The following PITPNM2 variants were observed in gnomAD, a reference collection of about 807,000 sequenced individuals.
PITPNM2 encodes the protein phosphatidylinositol transfer protein membrane associated 2.
A neutral mutation model predicts 132.2 loss-of-function variants in PITPNM2; 35 were observed. That is an observed-to-expected ratio of 0.26 (90% CI 0.20 to 0.35). PITPNM2 has a LOEUF of 0.35. PITPNM2 is among the 10% of genes least tolerant of loss of function. The pLI is 1.00. For synonymous variants in PITPNM2, 738 were observed against 799.2 expected, an observed-to-expected ratio of 0.92 and a Z score of 1.29; for missense variants, 1,332 against 1,912.0, an observed-to-expected ratio of 0.70 and a Z score of 5.66.
At chr12:123,021,648 C>T (rs2136327538) in intron 3 of PITPNM2, 1 of 983,934 alleles carries the variant, frequency 1.0e-6, no homozygotes, top group Non-Finnish European at 1.2e-6. Flanking sequence ...CAGCAAGCTG[C>T]CCTTCCCTGA....
intron 5 of PITPNM2, 77 bp downstream of exon 5, chr12:123,012,536 A>G (rs1171099437): frequency 5.8e-6 from 9 of 1,547,294 alleles, no homozygotes; most frequent in Non-Finnish European, 8.0e-6. Context: ...GGTGTGGGGA[A>G]AAGGGGCAGG....
chr12:123,130,439 G>A (rs184699741), intron 1 of PITPNM2, among the ~76,000 whole-genome samples: 26 of 152,236 alleles, frequency 1.7e-4, no homozygotes, highest in African/African-American at 2.9e-4. Flanking sequence ...CAAGGCCACC[G>A]AGCCATCCTT....
At chr12:123,074,837 A>G (rs1383247462) in intron 2 of PITPNM2, among the ~76,000 whole-genome samples, 1 of 152,206 alleles carries the variant, frequency 6.6e-6, no homozygotes, top group African/African-American at 2.4e-5. Context: ...GGAGGAAAAG[A>G]GGGAACAGAG....
chr12:123,012,055 T>C (rs1335576167), intron 5 of PITPNM2, among the ~76,000 whole-genome samples: 1 of 152,240 alleles, frequency 6.6e-6, no homozygotes, highest in Non-Finnish European at 1.5e-5. Flanking sequence ...GCTGCTGAGC[T>C]GCACTGGCCC....
rs1295542333 is a variant in PITPNM2 at position 123,078,299 on chromosome 12, G to A, written c.-96+32086C>T. ...CAGCCTCCCCCATACCAGGCCTCAG[G>A]GTCCAGGTGGCCAGGCGGGGAGGGG... On this transcript the variant is annotated intron_variant, in intron 2 of 25. Coordinates refer to ENST00000320201, the MANE Select transcript of PITPNM2 (RefSeq NM_020845.3). The surrounding 1 kb of genome is among the most constrained non-coding windows in gnomAD (Gnocchi z 7.3). 6.6e-6 allele frequency among the ~76,000 whole-genome samples: 1 copy of A among 152,150 alleles called. No individual in the cohort carries two copies. Among genetic ancestry groups the A allele is most frequent in the African/African-American group, 2.4e-5 (1 of 41,448 alleles).
At position 123,095,701 on chromosome 12, in the gene PITPNM2, C is replaced by G. The variant is rs2042391556; in HGVS notation, c.-96+14684G>C. ...TCCCTGCAGCTCAGCCCCAGCCAGA[C>G]TCTCACAGACAGGAGCCCATGGGGC... is the stretch of plus-strand genomic sequence containing the variant. On this transcript the variant is annotated intron_variant, in intron 2 of 25. Transcript: ENST00000320201. This position sits in a 1 kb window ranked among gnomAD's most constrained non-coding sequence, Gnocchi z 5.0. Among the ~76,000 whole-genome samples, 1 of 152,200 alleles carries G rather than the reference C, an allele frequency of 6.6e-6. No individual in the cohort carries two copies. The highest frequency in any genetic ancestry group is 1.5e-5 in the Non-Finnish European group (1 of 68,026).
chr12:123,078,915 C>T lies in PITPNM2; in HGVS notation c.-96+31470G>A, dbSNP rs758722644. 4.3e-4 allele frequency among the ~76,000 whole-genome samples: 66 copies of T among 152,316 alleles called. 1 individual carries two copies. The highest frequency in any genetic ancestry group is 1.6e-4 in the Non-Finnish European group (11 of 68,020). On this transcript the variant is annotated intron_variant, in intron 2 of 25. Transcript: ENST00000320201. The surrounding 1 kb of genome is among the most constrained non-coding windows in gnomAD (Gnocchi z 7.3). Reference sequence around the variant, plus strand: ...CGAAATGGGGCTGGGAAGAAAGCCACGAGACCTCAGTGGGGTCGCAGTCTC... The same window carrying T: ...CGAAATGGGGCTGGGAAGAAAGCCATGAGACCTCAGTGGGGTCGCAGTCTC...
intron 2 of PITPNM2, among the ~76,000 whole-genome samples, chr12:123,037,580 C>G (rs551736699): frequency 1.3e-5 from 2 of 152,282 alleles, no homozygotes; most frequent in African/African-American, 4.8e-5. Flanking sequence ...GACACAGACT[C>G]TAAATGTTCT....
In PITPNM2 at chr12:123,078,928, G is replaced by C. The variant is rs1265992460; in HGVS notation, c.-96+31457C>G. ...GGAAGAAAGCCACGAGACCTCAGTG[G>C]GGTCGCAGTCTCTCTTCTTGGAGAT... On this transcript the variant is annotated intron_variant, in intron 2 of 25. Coordinates refer to ENST00000320201, the MANE Select transcript of PITPNM2 (RefSeq NM_020845.3). The surrounding 1 kb of genome is among the most constrained non-coding windows in gnomAD (Gnocchi z 7.3). Among the ~76,000 whole-genome samples, 1 of 152,228 alleles carries C rather than the reference G, an allele frequency of 6.6e-6. No homozygotes were observed. The highest frequency in any genetic ancestry group is 2.4e-5 in the African/African-American group (1 of 41,460).
At chr12:122,991,603 C>T (rs1203031054) in intron 16 of PITPNM2, among the ~76,000 whole-genome samples, 1 of 152,262 alleles carries the variant, frequency 6.6e-6, no homozygotes, top group Non-Finnish European at 1.5e-5. Flanking sequence ...CCGACATCAG[C>T]TCCCCAGAGC....
At chr12:123,043,343 G>A (rs1478704242) in intron 2 of PITPNM2, among the ~76,000 whole-genome samples, 1 of 152,102 alleles carries the variant, frequency 6.6e-6, no homozygotes. Context: ...GGCTGGAAGG[G>A]CAAGGACCAA....
In PITPNM2 at chr12:123,005,479, C is replaced by G; in HGVS notation, c.713G>C (p.Ser238Thr). 6.2e-7 allele frequency: 1 copy of G among 1,614,082 alleles called. No homozygotes were observed. The highest frequency in any genetic ancestry group is 8.5e-7 in the Non-Finnish European group (1 of 1,180,022). Residue 238 changes from serine (S) to threonine (T), a missense_variant, in exon 7 of 26, where the codon AGC (serine) becomes ACC (threonine). Ser to Thr is a moderately conservative substitution (Grantham distance 58). Transcript: ENST00000320201. The surrounding 1 kb of genome is among the most constrained non-coding windows in gnomAD (Gnocchi z 6.2). ...CTCCAGCTCCCGGATGTTCTCCATG[C>G]TCAGCCCATACCACTCGTCCTGCCA... ...WCWQDEWYGL[S>T]MENIRELEKE...
chr12:123,063,544 G>C (rs1011848757), intron 2 of PITPNM2, among the ~76,000 whole-genome samples: 36 of 152,168 alleles, frequency 2.4e-4, no homozygotes, highest in African/African-American at 7.2e-4. Context: ...AGTCCCAGAA[G>C]CGTCTCCCTC....
intron 20 of PITPNM2, 40 bp from the exon 21 acceptor site, chr12:122,987,941 G>A (rs1464693884): frequency 6.4e-7 from 1 of 1,551,512 alleles, no homozygotes; most frequent in East Asian, 2.2e-5. Flanking sequence ...GGGGTCGGAG[G>A]GCACCCCGGG....
At chr12:123,129,172 A>G (rs191521260) in intron 1 of PITPNM2, among the ~76,000 whole-genome samples, 1 of 151,470 alleles carries the variant, frequency 6.6e-6, no homozygotes, top group African/African-American at 2.4e-5. Context: ...ATGGTGGCGC[A>G]CACTTGTAGT....
In PITPNM2 at chr12:123,044,916, T is replaced by G. The variant is rs561711849; in HGVS notation, c.-95-10231A>C. Reference sequence around the variant, plus strand: ...ATCTTCCTGCCTCAGCCTCCTTAAGTAGCTGGGACCACAGGCATGTGTACC... The same window carrying G: ...ATCTTCCTGCCTCAGCCTCCTTAAGGAGCTGGGACCACAGGCATGTGTACC... On this transcript the variant is annotated intron_variant, in intron 2 of 25. Transcript: ENST00000320201. Among the ~76,000 whole-genome samples the G allele has an allele frequency of 3.3e-5, 5 of 152,262 alleles. No homozygotes were observed. The South Asian group carries it at 1.0e-3, about 32-fold the overall frequency.
chr12:122,990,785 C>T, intron 16 of PITPNM2, 76 bp from the exon 17 acceptor site: 2 of 1,457,720 alleles, frequency 1.4e-6, no homozygotes, highest in Non-Finnish European at 1.8e-6. Context: ...AGCCAGTGTG[C>T]CAGGGTCCAG....
rs2038475876 is a variant in PITPNM2, at chr12:122,997,392, C to A, written c.1405G>T (p.Gly469Cys). The A allele has an allele frequency of 6.2e-7, 1 of 1,613,484 alleles. No homozygotes were observed. The highest frequency in any genetic ancestry group is 8.5e-7 in the Non-Finnish European group (1 of 1,179,982). ...GGCACCAGGCGGATGGCAAGGCGGC[C>A]CAGGGCGCTGGGGTAGTGCACGCGC... is the stretch of plus-strand genomic sequence containing the variant. Reference protein sequence around the residue: ...VMRVHYPSALGRLAIRLVPCP... With the variant: ...VMRVHYPSALCRLAIRLVPCP... Residue 469 changes from glycine to cysteine, a missense_variant, in exon 11 of 26, where the codon GGC becomes TGC. Gly to Cys is a radical substitution (Grantham distance 159). Coordinates refer to ENST00000320201, the MANE Select transcript of PITPNM2 (RefSeq NM_020845.3).
intron 19 of PITPNM2, 48 bp from the exon 20 acceptor site, chr12:122,988,398 G>T (rs202194462): frequency 2.2e-5 from 34 of 1,533,346 alleles, no homozygotes; most frequent in African/African-American, 2.7e-5. Flanking sequence ...CCACCCGGGG[G>T]CTTCCTGCCC....
Sources: gnomAD v4.1 joint callset for allele counts (sites outside exome capture counted in the v4.1 genomes callset) on GRCh38, gnomAD v4.1.1 for gene constraint, Gnocchi (gnomAD v3.1) non-coding constraint, MANE v1.5 for transcripts, NCBI Gene and HGNC (gene_info 2026-07-23, HGNC 2026-07-21) for gene names.